Variants in AGMO observed in about 807,000 individuals in gnomAD.
The protein encoded by AGMO is alkylglycerol monooxygenase.
AGMO carries 75 observed loss-of-function variants against 60.2 expected under a neutral mutation model. The ratio of observed to expected loss-of-function variants is 1.25; its 90% CI spans 1.03 to 1.51. The LOEUF (loss-of-function observed/expected upper bound fraction) is 1.51, where lower values mean the gene tolerates loss of function less well. Ranked by LOEUF, AGMO falls within the 40% of genes most tolerant of loss-of-function variation. AGMO has a pLI of 0.00. For missense variants in AGMO, 763 were observed against 525.5 expected, an observed-to-expected ratio of 1.45 and a Z score of -4.42; for synonymous variants, 261 against 177.1, an observed-to-expected ratio of 1.47 and a Z score of -3.76.
chr7:15,539,680 T>C (rs1412954362), intron 3 of AGMO, among the ~76,000 whole-genome samples: 1 of 152,226 alleles, frequency 6.6e-6, no homozygotes, highest in African/African-American at 2.4e-5. Context: ...CTGTGTTAAA[T>C]GGTAATTCTA....
At chr7:15,301,816 T>A (rs1010526256) in intron 12 of AGMO, among the ~76,000 whole-genome samples, 1 of 152,168 alleles carries the variant, frequency 6.6e-6, no homozygotes, top group Non-Finnish European at 1.5e-5. Flanking sequence ...TTTTTACTGT[T>A]AAATTTTTAA....
chr7:15,432,790 T>G (rs530090498), intron 3 of AGMO, among the ~76,000 whole-genome samples: 1 of 152,004 alleles, frequency 6.6e-6, no homozygotes. Flanking sequence ...TCTAAAAATA[T>G]GCAGTCATAA....
intron 12 of AGMO, among the ~76,000 whole-genome samples, chr7:15,356,956 A>G (rs980626884): frequency 6.7e-6 from 1 of 148,400 alleles, no homozygotes; most frequent in African/African-American, 2.5e-5. Context: ...AAAATTACAA[A>G]AAAAAAAAAA....
intron 12 of AGMO, among the ~76,000 whole-genome samples, chr7:15,241,340 A>G (rs1218404446): frequency 6.6e-6 from 1 of 150,816 alleles, no homozygotes; most frequent in African/African-American, 2.4e-5. Context: ...GGCGCCTGTA[A>G]TCCCAGCTAC....
intron 3 of AGMO, among the ~76,000 whole-genome samples, chr7:15,453,382 A>G (rs940133584): frequency 6.6e-6 from 1 of 152,242 alleles, no homozygotes; most frequent in Non-Finnish European, 1.5e-5. Flanking sequence ...AATGTGGACC[A>G]ATAGATGACT....
intron 5 of AGMO, among the ~76,000 whole-genome samples, chr7:15,413,304 A>G (rs1780667581): frequency 6.6e-6 from 1 of 152,212 alleles, no homozygotes; most frequent in Non-Finnish European, 1.5e-5. Flanking sequence ...AAGAGAAAGT[A>G]AAATCTTATA....
At chr7:15,416,323 T>A (rs1780768572) in intron 5 of AGMO, among the ~76,000 whole-genome samples, 1 of 152,196 alleles carries the variant, frequency 6.6e-6, no homozygotes, top group South Asian at 2.1e-4. Flanking sequence ...CATGAGCTTC[T>A]GTGCCAGGTC....
chr7:15,350,773 T>C (rs1299237357), intron 12 of AGMO, among the ~76,000 whole-genome samples: 1 of 152,192 alleles, frequency 6.6e-6, no homozygotes, highest in African/African-American at 2.4e-5. Flanking sequence ...AATTCCAGAA[T>C]ATTGTTAAAG....
chr7:15,322,649 AATAT>A lies in AGMO; in HGVS notation c.1263+42861_1263+42864del, dbSNP rs1164961835. ...ATATATAAATATATATAAATATATA[AATAT>A]ATATATAAATATATATAAATATATG... is the stretch of plus-strand genomic sequence containing the variant. On this transcript the variant is annotated intron_variant, in intron 12 of 12. Transcript: ENST00000342526. Among the ~76,000 whole-genome samples the A allele has an allele frequency of 7.0e-3, 332 of 47,476 alleles. 65 individuals carry two copies. The highest frequency in any genetic ancestry group is 8.7e-3 in the Non-Finnish European group (253 of 29,226). 31.1% of individuals were successfully genotyped at this position (47,476 alleles called of 152,430 possible). A position where few individuals can be genotyped will look rare whatever the true frequency, so the allele number is the denominator to read the frequency against.
chr7:15,552,817 C>T (rs1007076560), intron 2 of AGMO, among the ~76,000 whole-genome samples: 3 of 149,604 alleles, frequency 2.0e-5, no homozygotes, highest in African/African-American at 7.3e-5. Flanking sequence ...CATCCCATTA[C>T]TGGGTATATA....
At chr7:15,365,969 TAGG>T (rs1327218104) in intron 11 of AGMO, among the ~76,000 whole-genome samples, 168 bp downstream of exon 11, 4 of 152,076 alleles carry the variant, frequency 2.6e-5, no homozygotes, top group Admixed American at 6.6e-5. Flanking sequence ...AATGAGTAGT[TAGG>T]AGAACTGATA....
chr7:15,514,985 C>A (rs931419566), intron 3 of AGMO, among the ~76,000 whole-genome samples: 2 of 152,166 alleles, frequency 1.3e-5, no homozygotes, highest in African/African-American at 4.8e-5. Context: ...AATGCTGCAA[C>A]AGTTTATCAA....
chr7:15,168,464 C>A, the AGMO span, among the ~76,000 whole-genome samples: 16 of 152,332 alleles, frequency 1.1e-4, no homozygotes, highest in African/African-American at 3.6e-4. Context: ...GGTCAGCCAG[C>A]ATGTGCTGCC....
At chr7:15,225,796 T>C (rs1441568604) in intron 12 of AGMO, among the ~76,000 whole-genome samples, 5 of 152,088 alleles carry the variant, frequency 3.3e-5, no homozygotes, top group Admixed American at 2.0e-4. Flanking sequence ...AGCTCAGACA[T>C]AGTAAACACA....
At chr7:15,303,119 G>A (rs1229544156) in intron 12 of AGMO, among the ~76,000 whole-genome samples, 1 of 151,950 alleles carries the variant, frequency 6.6e-6, no homozygotes, top group African/African-American at 2.4e-5. Context: ...TCAAAATGCA[G>A]ATGGTTTTGA....
At chr7:15,361,364 C>G (rs957334890) in intron 12 of AGMO, among the ~76,000 whole-genome samples, 6 of 150,990 alleles carry the variant, frequency 4.0e-5, no homozygotes, top group Non-Finnish European at 8.9e-5. Context: ...ATGGTGAAAC[C>G]CCATCTCTAC....
intron 10 of AGMO, among the ~76,000 whole-genome samples, chr7:15,367,461 T>TA (rs1461856145): frequency 2.6e-5 from 4 of 151,846 alleles, no homozygotes; most frequent in South Asian, 2.1e-4. Flanking sequence ...GCTTTATTTT[T>TA]AAAAAAACGC....
intron 3 of AGMO, among the ~76,000 whole-genome samples, chr7:15,442,696 C>T (rs1227470608): frequency 6.6e-6 from 1 of 152,014 alleles, no homozygotes; most frequent in African/African-American, 2.4e-5. Context: ...GGCCTCTACC[C>T]ACAGACCTAG....
At chr7:15,483,295 A>T (rs1321921469) in intron 3 of AGMO, among the ~76,000 whole-genome samples, 1 of 152,186 alleles carries the variant, frequency 6.6e-6, no homozygotes, top group East Asian at 1.9e-4. Flanking sequence ...GATATAAAAA[A>T]CATTAAATTG....
Sources: gnomAD v4.1 joint callset for allele counts (sites outside exome capture counted in the v4.1 genomes callset) on GRCh38, gnomAD v4.1.1 for gene constraint, MANE v1.5 for transcripts, NCBI Gene and HGNC (gene_info 2026-07-23, HGNC 2026-07-21) for gene names.